TAF3: variants seen among roughly 807,000 people sequenced by gnomAD.
The protein encoded by TAF3 is TATA-box binding protein associated factor 3.
A neutral mutation model predicts 80.6 loss-of-function variants in TAF3; 7 were observed. That is an observed-to-expected ratio of 0.09 (90% CI 0.05 to 0.16). The LOEUF is 0.16. Ranked by LOEUF, TAF3 falls within the 10% of genes least tolerant of loss-of-function variation. The pLI is 1.00. For synonymous variants in TAF3, 444 were observed against 446.1 expected (o/e 1.00, Z 0.06); for missense variants, 921 against 1,140.2 (o/e 0.81, Z 2.77).
intron 2 of TAF3, among the ~76,000 whole-genome samples, chr10:7,877,675 T>G (rs1227898190): frequency 6.6e-6 from 1 of 152,208 alleles, no homozygotes; most frequent in Admixed American, 6.5e-5. Context: ...TAAAGTGCCC[T>G]CTGAGATTAC....
chr10:7,999,438 AG>A (rs1460471254), intron 4 of TAF3, among the ~76,000 whole-genome samples: 2 of 147,902 alleles, frequency 1.4e-5, no homozygotes. Context: ...AAAAAAAAAA[AG>A]AAAGAAAGAA....
intron 2 of TAF3, among the ~76,000 whole-genome samples, chr10:7,953,744 C>T (rs899894468): frequency 2.0e-5 from 3 of 152,256 alleles, no homozygotes; most frequent in Non-Finnish European, 4.4e-5. Flanking sequence ...TAACACAGAA[C>T]TTTCCATAGT....
At chr10:7,838,919 T>TGG (rs1836881554) in intron 2 of TAF3, among the ~76,000 whole-genome samples, 1 of 141,786 alleles carries the variant, frequency 7.1e-6, no homozygotes, top group South Asian at 2.4e-4. Flanking sequence ...TTTTTTTTTT[T>TGG]TTTTGGTTTG....
intron 6 of TAF3, among the ~76,000 whole-genome samples, chr10:8,014,172 G>A (rs963961516): frequency 6.6e-6 from 1 of 152,168 alleles, no homozygotes; most frequent in South Asian, 2.1e-4. Context: ...CCAGGACCAC[G>A]AAGAGGCAGC....
chr10:7,856,773 T>A (rs1416748895), intron 2 of TAF3, among the ~76,000 whole-genome samples: 2 of 148,786 alleles, frequency 1.3e-5, no homozygotes, highest in African/African-American at 5.0e-5. Context: ...TACCAAAGAT[T>A]AGGGTTTTAT....
chr10:8,013,896 G>C, intron 6 of TAF3, 59 bp downstream of exon 6: 1 of 1,413,560 alleles, frequency 7.1e-7, no homozygotes, highest in South Asian at 1.1e-5. Flanking sequence ...CCGCTCCTGA[G>C]ATGAAGCATC....
At chr10:7,924,536 G>A (rs546482045) in intron 2 of TAF3, among the ~76,000 whole-genome samples, 1 of 152,092 alleles carries the variant, frequency 6.6e-6, no homozygotes, top group South Asian at 2.1e-4. Flanking sequence ...ATCTTTATGT[G>A]GGCATGTCTC....
chr10:7,978,418 T>G lies in TAF3; in HGVS notation c.2315+1095T>G, dbSNP rs533861991. Among the ~76,000 whole-genome samples, 67 of 152,340 alleles carry G rather than the reference T, an allele frequency of 4.4e-4. No individual in the cohort carries two copies. The South Asian group carries it at 0.013, about 31-fold the overall frequency. ...TGTGAGCAGAGAGGCAACTTGGTTT[T>G]CCAGGGGAGTGTATACCCCTCTGAA... On this transcript the variant is annotated intron_variant, in intron 4 of 6. Transcript: ENST00000344293.
chr10:7,951,077 G>A (rs901511526), intron 2 of TAF3, among the ~76,000 whole-genome samples: 4 of 152,206 alleles, frequency 2.6e-5, no homozygotes, highest in Non-Finnish European at 5.9e-5. Context: ...TCGATTAGCT[G>A]ATGAAAATGT....
At chr10:7,992,814 A>G (rs1194399114) in intron 4 of TAF3, among the ~76,000 whole-genome samples, 1 of 152,208 alleles carries the variant, frequency 6.6e-6, no homozygotes, top group African/African-American at 2.4e-5. Flanking sequence ...ATACACTTTC[A>G]TCTGCTGGCA....
chr10:7,890,759 T>C lies in TAF3; in HGVS notation c.409+66199T>C, dbSNP rs117960290. The stretch of plus-strand genomic sequence containing the variant: ...AAATTTTAACTTCTAATTCTTTTGG[T>C]TTATTTTTAAGATACTTCCTCACAC... On this transcript the variant is annotated intron_variant, in intron 2 of 6. Transcript: ENST00000344293. Among the ~76,000 whole-genome samples, 1,327 of 152,358 alleles carry C rather than the reference T, an allele frequency of 8.7e-3. 10 individuals carry two copies. The highest frequency in any genetic ancestry group is 0.013 in the Non-Finnish European group (853 of 68,032).
intron 2 of TAF3, among the ~76,000 whole-genome samples, chr10:7,901,162 A>G (rs963310822): frequency 6.6e-6 from 1 of 152,234 alleles, no homozygotes. Context: ...TGATTTTATT[A>G]AAGCTATTTG....
At chr10:7,900,247 A>G (rs1837545707) in intron 2 of TAF3, among the ~76,000 whole-genome samples, 1 of 152,238 alleles carries the variant, frequency 6.6e-6, no homozygotes, top group Admixed American at 6.5e-5. Flanking sequence ...TAAGTCTTCT[A>G]TTCTTTAAAA....
intron 2 of TAF3, among the ~76,000 whole-genome samples, chr10:7,869,244 ACCGT>A (rs1837242999): frequency 6.6e-6 from 1 of 151,940 alleles, no homozygotes; most frequent in African/African-American, 2.4e-5. Context: ...CCTGACTTCT[ACCGT>A]GTGTGTGTGT....
At chr10:7,954,237 C>G (rs878878177) in intron 2 of TAF3, among the ~76,000 whole-genome samples, 1 of 136,720 alleles carries the variant, frequency 7.3e-6, no homozygotes, top group Non-Finnish European at 1.6e-5. Flanking sequence ...TAGTGAGATT[C>G]AGAGTGCACT....
chr10:7,830,526 C>G (rs1314354366), intron 2 of TAF3, among the ~76,000 whole-genome samples: 2 of 131,284 alleles, frequency 1.5e-5, no homozygotes, highest in African/African-American at 2.9e-5. Context: ...CTCTGTCACC[C>G]AGGCTGGAGT....
At chr10:7,953,279 T>TA (rs2131404759) in intron 2 of TAF3, among the ~76,000 whole-genome samples, 1 of 152,350 alleles carries the variant, frequency 6.6e-6, no homozygotes, top group Admixed American at 6.5e-5. Context: ...ATTTTAAAGA[T>TA]ACTGCCTTTA....
chr10:7,894,181 CTGTATT>C (rs1182317584), intron 2 of TAF3, among the ~76,000 whole-genome samples: 1 of 152,326 alleles, frequency 6.6e-6, no homozygotes, highest in East Asian at 1.9e-4. Flanking sequence ...GAGTCCCTCT[CTGTATT>C]TGACTTAGGA....
chr10:7,971,735 AG>A (rs1831624833), intron 3 of TAF3, among the ~76,000 whole-genome samples: 1 of 152,134 alleles, frequency 6.6e-6, no homozygotes, highest in Non-Finnish European at 1.5e-5. Context: ...ATTTTTTGCA[AG>A]GCCGCACTGC....
Sources: gnomAD v4.1 joint callset for allele counts (sites outside exome capture counted in the v4.1 genomes callset) on GRCh38, gnomAD v4.1.1 for gene constraint, MANE v1.5 for transcripts, NCBI Gene and HGNC (gene_info 2026-07-23, HGNC 2026-07-21) for gene names.